ADGRA1: variants seen among roughly 807,000 people sequenced by gnomAD.
ADGRA1 encodes adhesion G protein-coupled receptor A1, also known as G-protein coupled receptor 123.
ADGRA1 carries 12 observed loss-of-function variants against 21.3 expected under a neutral mutation model. The observed-to-expected ratio is 0.56, with a 90% CI of 0.36 to 0.91. The LOEUF (loss-of-function observed/expected upper bound fraction) is 0.91, where lower values mean the gene tolerates loss of function less well. Among genes scored for constraint, ADGRA1 ranks in the 40% least tolerant of loss-of-function variants. The pLI is 0.01. For missense variants in ADGRA1, 790 were observed against 805.6 expected (o/e 0.98, Z 0.23); for synonymous variants, 385 against 368.8 (o/e 1.04, Z -0.50).
chr10:133,129,356 C>T lies in ADGRA1; in HGVS notation c.1528C>T (p.His510Tyr). Reference sequence around the variant, plus strand: ...CAGGGAGGCAGCGCTCGGGCCCGGCCACTTGGAGATGCTGCGGAGGACACA... The same window carrying T: ...CAGGGAGGCAGCGCTCGGGCCCGGCTACTTGGAGATGCTGCGGAGGACACA... ...PGREAALGPGHLEMLRRTQSL... is the reference protein window; with the variant it reads ...PGREAALGPGYLEMLRRTQSL... Residue 510 changes from histidine to tyrosine, a missense_variant, in exon 7 of 7, where the codon CAC becomes TAC. Physicochemically the swap from His to Tyr is moderately conservative, Grantham distance 83 (BLOSUM62 2). This residue lies in a region of ADGRA1 where 391 missense variants were observed against 351.5 expected (regional missense o/e 1.11). Transcript: ENST00000392607. The T allele has an allele frequency of 1.3e-6, 2 of 1,594,006 alleles. No homozygotes were observed. Among genetic ancestry groups the T allele is most frequent in the Non-Finnish European group, 1.7e-6 (2 of 1,172,342 alleles).
At chr10:133,096,936 C>T (rs1851699594) in intron 2 of ADGRA1, 38 bp from the exon 3 acceptor site, 2 of 1,589,634 alleles carry the variant, frequency 1.3e-6, no homozygotes, top group African/African-American at 1.3e-5. Flanking sequence ...CACAGACCCA[C>T]CAGCCAGTCA....
rs559800699 is a variant in ADGRA1, at chr10:133,128,942, G to A, written c.1114G>A (p.Gly372Ser). 8 of 1,556,498 alleles carry A rather than the reference G, an allele frequency of 5.1e-6. No individual in the cohort carries two copies. The highest frequency in any genetic ancestry group is 3.7e-5 in the Admixed American group (2 of 54,000). Reference sequence around the variant, plus strand: ...GATGACCAACCTGCAGGCCGCGCAGGGCCACGCCAGTTGCCTGTCACCGGC... The same window carrying A: ...GATGACCAACCTGCAGGCCGCGCAGAGCCACGCCAGTTGCCTGTCACCGGC... ...CKMTNLQAAQ[G>S]HASCLSPATP... Residue 372 changes from glycine to serine, a missense_variant, in exon 7 of 7, where the codon GGC (glycine) becomes AGC (serine). Physicochemically the swap from Gly to Ser is moderately conservative, Grantham distance 56. This residue lies in a region of ADGRA1 where 391 missense variants were observed against 351.5 expected (regional missense o/e 1.11). Transcript: ENST00000392607.
At chr10:133,094,462 G>A (rs886797623) in intron 2 of ADGRA1, among the ~76,000 whole-genome samples, 13 of 152,158 alleles carry the variant, frequency 8.5e-5, no homozygotes, top group Admixed American at 2.6e-4. Context: ...CCTCGCCCCC[G>A]TAGCTGAGCA....
Position 133,129,223 on chromosome 10 carries a change from G to T in ADGRA1, c.1395G>T (p.Gly465=). The change falls in exon 7 of 7, where the codon GGG becomes GGT. Residue 465 remains glycine (G), a synonymous_variant. Coordinates refer to ENST00000392607, the MANE Select transcript of ADGRA1 (RefSeq NM_001083909.3). ...SPPSSLDGPA[G]THTLACCTQG... is the part of the protein sequence containing the mutation. The stretch of plus-strand genomic sequence containing the variant: ...CCAGCTCTCTGGATGGCCCGGCGGG[G>T]ACACACACGCTGGCCTGCTGCACCC... 1 of 1,549,842 alleles carries T rather than the reference G, an allele frequency of 6.5e-7. No homozygotes were observed. Among genetic ancestry groups the T allele is most frequent in the Non-Finnish European group, 8.7e-7 (1 of 1,146,930 alleles).
At chr10:133,108,608 C>T (rs1341431789) in intron 5 of ADGRA1, among the ~76,000 whole-genome samples, 1 of 152,114 alleles carries the variant, frequency 6.6e-6, no homozygotes, top group Non-Finnish European at 1.5e-5. Context: ...TGGCCACTGT[C>T]ACCTCCCAAT....
chr10:133,124,966 G>A (rs533908845), intron 5 of ADGRA1, among the ~76,000 whole-genome samples: 7 of 152,260 alleles, frequency 4.6e-5, no homozygotes, highest in South Asian at 4.1e-4. Flanking sequence ...CCGGTGGTGC[G>A]CCGTGGGTCC....
At chr10:133,124,465 C>A (rs188981258) in intron 5 of ADGRA1, among the ~76,000 whole-genome samples, 6 of 152,198 alleles carry the variant, frequency 3.9e-5, no homozygotes, top group African/African-American at 1.2e-4. Context: ...GCCTGACTCG[C>A]GGAAATCACG....
intron 5 of ADGRA1, among the ~76,000 whole-genome samples, chr10:133,113,197 G>A (rs534974241): frequency 3.8e-4 from 43 of 112,042 alleles, no homozygotes; most frequent in African/African-American, 1.3e-3. Flanking sequence ...TCTGTAAGCC[G>A]CGTCGGTTAT....
intron 5 of ADGRA1, among the ~76,000 whole-genome samples, chr10:133,118,924 C>T (rs1852204956): frequency 6.6e-6 from 1 of 152,150 alleles, no homozygotes; most frequent in Non-Finnish European, 1.5e-5. Context: ...ACACCACACA[C>T]ACATGCATTG....
At chr10:133,095,874 G>C in intron 2 of ADGRA1, 1 of 1,457,720 alleles carries the variant, frequency 6.9e-7, no homozygotes, top group Non-Finnish European at 9.2e-7. Context: ...AGGCCCGGCC[G>C]GCTGCCTCCT....
At position 133,102,813 on chromosome 10, in the gene ADGRA1, G is replaced by C. The variant is rs1158401732; in HGVS notation, c.372G>C (p.Gln124His). Residue 124 changes from glutamine (Q) to histidine (H), a missense_variant, in exon 5 of 7, where the codon CAG becomes CAC. Coordinates refer to ENST00000392607, the MANE Select transcript of ADGRA1 (RefSeq NM_001083909.3). ...KKAPLCLDTD[Q>H]PPYPRQPLLR... Reference sequence around the variant, plus strand: ...CCCCTCTGTGCCTGGACACAGACCAGCCACCGTACCCCAGGCAGCCCCTGC... The same window carrying C: ...CCCCTCTGTGCCTGGACACAGACCACCCACCGTACCCCAGGCAGCCCCTGC... 1.9e-6 allele frequency: 3 copies of C among 1,612,184 alleles called. No individual in the cohort carries two copies. The highest frequency in any genetic ancestry group is 2.2e-5 in the East Asian group (1 of 44,852).
chr10:133,097,795 T>C (rs1308008754), intron 3 of ADGRA1, among the ~76,000 whole-genome samples: 3 of 152,200 alleles, frequency 2.0e-5, no homozygotes, highest in Admixed American at 2.0e-4. Flanking sequence ...CCCATGACGC[T>C]GTGTCTGGTG....
intron 5 of ADGRA1, among the ~76,000 whole-genome samples, chr10:133,105,859 G>A (rs773508329): frequency 3.3e-5 from 5 of 152,222 alleles, no homozygotes; most frequent in Non-Finnish European, 5.9e-5. Context: ...CGTTCCAGCT[G>A]CAGGGGCCAA....
At chr10:133,121,344 G>A (rs1852249357) in intron 5 of ADGRA1, among the ~76,000 whole-genome samples, 1 of 152,362 alleles carries the variant, frequency 6.6e-6, no homozygotes, top group South Asian at 2.1e-4. Context: ...ACGTGTGAGT[G>A]CCTGTGTGTG....
At chr10:133,099,822 C>A (rs1477080947) in intron 4 of ADGRA1, among the ~76,000 whole-genome samples, 1 of 152,248 alleles carries the variant, frequency 6.6e-6, no homozygotes, top group African/African-American at 2.4e-5. Context: ...CTGCCACGGA[C>A]TGCAGGGCAA....
chr10:133,089,640 G>A (rs534213292), intron 2 of ADGRA1, among the ~76,000 whole-genome samples: 1 of 152,358 alleles, frequency 6.6e-6, no homozygotes, highest in East Asian at 1.9e-4. Flanking sequence ...GAATGCCAAT[G>A]GCCTCTAGAA....
intron 5 of ADGRA1, among the ~76,000 whole-genome samples, chr10:133,111,934 A>G (rs377319127): frequency 0.32 from 5,625 of 17,660 alleles, 1,803 homozygotes; most frequent in African/African-American, 0.47. Flanking sequence ...GCCCGCCGTG[A>G]GCACCTCCCT....
chr10:133,093,176 C>G lies in ADGRA1; in HGVS notation c.4-3798C>G, dbSNP rs112645969. 1.1e-3 allele frequency: 1,826 copies of G among 1,595,196 alleles called. 20 individuals carry two copies. The African/African-American group carries it at 0.023, about 20-fold the overall frequency. On this transcript the variant is annotated intron_variant, in intron 2 of 6. Coordinates refer to ENST00000392607, the MANE Select transcript of ADGRA1 (RefSeq NM_001083909.3). ...CAGACCTGGCCCCGGACACCTCACC[C>G]GCAGGGAGGAAGATTCCTTCAGGCA...
In ADGRA1 at chr10:133,088,098, G is replaced by A; in HGVS notation, c.-243G>A. On this transcript the variant is annotated 5_prime_UTR_variant, in exon 1 of 7. Transcript: ENST00000392607. ...GAGCGCAGCGCGTCTGTCTCCGGGA[G>A]CGCGGCCCGGCCGCCCCGGCAGCCG... 1 of 985,212 alleles carries A rather than the reference G, an allele frequency of 1.0e-6. No homozygotes were observed. The highest frequency in any genetic ancestry group is 1.1e-4 in the East Asian group (1 of 8,804). 61.0% of individuals were successfully genotyped at this position (985,212 alleles called of 1,614,324 possible). A position where few individuals can be genotyped will look rare whatever the true frequency, so the allele number is the denominator to read the frequency against.
Sources: allele counts gnomAD v4.1 joint callset (sites outside exome capture counted in the v4.1 genomes callset), GRCh38; gene constraint gnomAD v4.1.1; regional missense constraint gnomAD v4.1.1; transcripts MANE v1.5; gene names NCBI Gene and HGNC (gene_info 2026-07-23, HGNC 2026-07-21).